MSH6: variants seen among roughly 807,000 people sequenced by gnomAD.
MSH6 encodes the protein DNA mismatch repair protein Msh6.
MSH6 carries 85 observed loss-of-function variants against 119.1 expected under a neutral mutation model. That is an observed-to-expected ratio of 0.71 (90% CI 0.60 to 0.85). MSH6 has a LOEUF of 0.85. Among genes scored for constraint, MSH6 ranks in the 40% least tolerant of loss-of-function variants. MSH6 has a pLI of 0.00. For missense variants in MSH6, 2,163 were observed against 1,655.3 expected (o/e 1.31, Z -5.32); for synonymous variants, 830 against 586.9 (o/e 1.41, Z -5.99).
In MSH6 at chr2:47,800,597, A is replaced by G. The variant is rs1060502939; in HGVS notation, c.2614A>G (p.Ile872Val). ...LEGFKVMCKI[I>V]GIMEEVADGF... ...AGGATTCAAAGTAATGTGTAAAATTATAGGGATCATGGAAGAAGTTGCTGA... is the reference window on the plus strand; with the variant it reads ...AGGATTCAAAGTAATGTGTAAAATTGTAGGGATCATGGAAGAAGTTGCTGA... Residue 872 changes from isoleucine to valine, a missense_variant, in exon 4 of 10, where the codon ATA becomes GTA. Coordinates refer to ENST00000234420, the MANE Select transcript of MSH6 (RefSeq NM_000179.3). 4.3e-6 allele frequency: 7 copies of G among 1,614,152 alleles called. No homozygotes were observed. Among genetic ancestry groups the G allele is most frequent in the African/African-American group, 1.3e-5 (1 of 75,050 alleles).
chr2:47,784,393 A>ATG (rs1668217227), intron 1 of MSH6: 1 of 320,770 alleles, frequency 3.1e-6, no homozygotes, highest in African/African-American at 2.3e-5. Context: ...CTGGACAAAG[A>ATG]TGTGTGGACG....
rs1355166868 is a variant in MSH6, at chr2:47,800,180, A to G, written c.2197A>G (p.Met733Val). 4 of 1,614,206 alleles carry G rather than the reference A, an allele frequency of 2.5e-6. No homozygotes were observed. Among genetic ancestry groups the G allele is most frequent in the Non-Finnish European group, 3.4e-6 (4 of 1,180,028 alleles). The change falls in exon 4 of 10, where the codon ATG (methionine) becomes GTG (valine). Residue 733 changes from methionine to valine, a missense_variant. Transcript: ENST00000234420. Reference protein sequence around the residue: ...GAIFTKAYQRMVLDAVTLNNL... With the variant: ...GAIFTKAYQRVVLDAVTLNNL... The stretch of plus-strand genomic sequence containing the variant: ...TATCTTCACCAAAGCCTATCAACGA[A>G]TGGTGCTAGATGCAGTGACATTAAA...
chr2:47,800,542 G>A lies in MSH6; in HGVS notation c.2559G>A (p.Lys853=), dbSNP rs765873566. Residue 853 remains lysine, a synonymous_variant, in exon 4 of 10, where the codon AAG becomes AAA. Transcript: ENST00000234420. The stretch of plus-strand genomic sequence containing the variant: ...ATGAAGAAACTACATACAGCAAGAA[G>A]AAGATTATTGATTTTCTTTCTGCTC... The part of the protein sequence containing the change: ...IMYEETTYSK[K]KIIDFLSALE... 2 of 1,613,604 alleles carry A rather than the reference G, an allele frequency of 1.2e-6. No homozygotes were observed. Among genetic ancestry groups the A allele is most frequent in the Non-Finnish European group, 1.7e-6 (2 of 1,179,928 alleles).
intron 1 of MSH6, among the ~76,000 whole-genome samples, chr2:47,790,147 C>T (rs752699293): frequency 7.9e-5 from 12 of 152,116 alleles, no homozygotes; most frequent in East Asian, 1.9e-4. Context: ...TTTGGCCAGG[C>T]GCGGTGGCTC....
intron 1 of MSH6, among the ~76,000 whole-genome samples, chr2:47,788,759 A>G (rs1297096975): frequency 6.7e-6 from 1 of 149,234 alleles, no homozygotes; most frequent in African/African-American, 2.5e-5. Context: ...TTTAGTAGAG[A>G]TGGGGTTTCG....
rs1060502894 is a variant in MSH6 at position 47,799,961 on chromosome 2, A to C, written c.1978A>C (p.Lys660Gln). ...TGGGGTGATGTTACCCCAGGTGCTT[A>C]AAGGTATGACTTCAGAGTCTGATTC... ...GIGVMLPQVL[K>Q]GMTSESDSIG... Residue 660 changes from lysine (K) to glutamine (Q), a missense_variant, in exon 4 of 10, where the codon AAA becomes CAA. Transcript: ENST00000234420. The C allele has an allele frequency of 1.2e-6, 2 of 1,614,186 alleles. No homozygotes were observed. Among genetic ancestry groups the C allele is most frequent in the Non-Finnish European group, 1.7e-6 (2 of 1,180,044 alleles).
At chr2:47,801,360 A>ATTTTTTTTT (rs1220786181) in intron 4 of MSH6, 22 of 58,322 alleles carry the variant, frequency 3.8e-4, no homozygotes, top group East Asian at 6.9e-4. Context: ...GCCTTTCTTC[A>ATTTTTTTTT]GTTTTTTTTT....
intron 2 of MSH6, among the ~76,000 whole-genome samples, chr2:47,794,058 G>C (rs1309313454): frequency 0.01 from 1 of 100 alleles, no homozygotes; most frequent in South Asian, 0.17. Flanking sequence ...AGATCAGTAA[G>C]GCCAGGCAGT....
intron 4 of MSH6, 79 bp from the exon 5 acceptor site, chr2:47,803,341 A>G (rs2104469119): frequency 6.4e-7 from 1 of 1,572,068 alleles, no homozygotes; most frequent in Non-Finnish European, 8.8e-7. Flanking sequence ...AATGTGTTAT[A>G]TAAAGAAGAC....
At position 47,804,969 on chromosome 2, in the gene MSH6, G is replaced by C. The variant is rs1553332214; in HGVS notation, c.3498G>C (p.Arg1166Ser). Reference protein sequence around the residue: ...MGCYVPAEVCRLTPIDRVFTR... With the variant: ...MGCYVPAEVCSLTPIDRVFTR... ...GTTACGTCCCTGCTGAAGTGTGCAGGCTCACACCAATTGATAGAGTGTTTA... is the reference window on the plus strand; with the variant it reads ...GTTACGTCCCTGCTGAAGTGTGCAGCCTCACACCAATTGATAGAGTGTTTA... Residue 1166 changes from arginine (R) to serine (S), a missense_variant, in exon 6 of 10, where the codon AGG becomes AGC. Physicochemically the swap from Arg to Ser is moderately radical, Grantham distance 110. Transcript: ENST00000234420. The C allele has an allele frequency of 1.9e-6, 3 of 1,614,110 alleles. No homozygotes were observed. Among genetic ancestry groups the C allele is most frequent in the Non-Finnish European group, 2.5e-6 (3 of 1,180,000 alleles).
intron 1 of MSH6, among the ~76,000 whole-genome samples, chr2:47,787,472 A>G (rs1311478560): frequency 6.6e-6 from 1 of 152,186 alleles, no homozygotes; most frequent in East Asian, 1.9e-4. Context: ...AAGTTTTAAC[A>G]TTTATTTTGT....
chr2:47,798,082 C>CA (rs1381736734), intron 3 of MSH6: 8 of 205,914 alleles, frequency 3.9e-5, no homozygotes, highest in African/African-American at 1.9e-4. Context: ...ACACTTACAG[C>CA]AAGTCCAGAG....
chr2:47,793,044 G>T (rs574180589), intron 2 of MSH6, among the ~76,000 whole-genome samples: 1 of 151,680 alleles, frequency 6.6e-6, no homozygotes, highest in South Asian at 2.1e-4. Flanking sequence ...ACTGGGGCCG[G>T]GCATGGTGGC....
intron 2 of MSH6, among the ~76,000 whole-genome samples, chr2:47,795,141 C>T (rs916401215): frequency 2.0e-5 from 3 of 152,136 alleles, no homozygotes; most frequent in African/African-American, 7.2e-5. Context: ...TCGTCTGCCT[C>T]ACTTGAAGAG....
In MSH6 at chr2:47,800,654, A is replaced by C. The variant is rs756933423; in HGVS notation, c.2671A>C (p.Ile891Leu). ...GFKSKILKQV[I>L]SLQTKNPEGR... ...TAAGTCTAAAATCCTTAAGCAGGTC[A>C]TCTCTCTGCAGACAAAAAATCCTGA... Residue 891 changes from isoleucine (I) to leucine (L), a missense_variant, in exon 4 of 10, where the codon ATC becomes CTC. Coordinates refer to ENST00000234420, the MANE Select transcript of MSH6 (RefSeq NM_000179.3). 6.2e-7 allele frequency: 1 copy of C among 1,614,212 alleles called. No homozygotes were observed.
At chr2:47,789,271 A>T in intron 1 of MSH6, 1 of 319,022 alleles carries the variant, frequency 3.1e-6, no homozygotes, top group South Asian at 2.8e-5. Flanking sequence ...CAGATTCTGT[A>T]AGTGTAATGG....
chr2:47,802,165 C>T (rs367907429), intron 4 of MSH6, among the ~76,000 whole-genome samples: 3 of 152,250 alleles, frequency 2.0e-5, no homozygotes, highest in East Asian at 1.9e-4. Context: ...TTCCTTTTTT[C>T]TGTAGCCAAA....
At chr2:47,806,060 A>G in intron 7 of MSH6, 144 bp from the exon 8 acceptor site, 1 of 805,824 alleles carries the variant, frequency 1.2e-6, no homozygotes, top group Non-Finnish European at 2.1e-6. Context: ...AGACTCGTGT[A>G]GCTAAACAAG....
chr2:47,798,195 A>G (rs573986780), intron 3 of MSH6: 3 of 175,914 alleles, frequency 1.7e-5, no homozygotes, highest in Non-Finnish European at 3.6e-5. Context: ...GAGGTTTCTA[A>G]TTTCTAGAGG....
Sources: gnomAD v4.1 joint callset for allele counts (sites outside exome capture counted in the v4.1 genomes callset) on GRCh38, gnomAD v4.1.1 for gene constraint, MANE v1.5 for transcripts, NCBI Gene and HGNC (gene_info 2026-07-23, HGNC 2026-07-21) for gene names.